The following SNX24 variants were observed in gnomAD, a reference collection of about 807,000 sequenced individuals.
The protein encoded by SNX24 is sorting nexin-24.
A neutral mutation model predicts 28.7 loss-of-function variants in SNX24; 22 were observed. The ratio of observed to expected loss-of-function variants is 0.77; its 90% CI spans 0.55 to 1.10. The LOEUF (loss-of-function observed/expected upper bound fraction) is 1.10, where lower values mean the gene tolerates loss of function less well. SNX24 is among the 50% of genes least tolerant of loss of function. SNX24 has a pLI of 0.00. For missense variants in SNX24, 221 were observed against 201.1 expected (o/e 1.10, Z -0.60); for synonymous variants, 69 against 71.5 (o/e 0.96, Z 0.18).
Position 123,009,132 on chromosome 5 carries a change from G to C in SNX24, c.*1383G>C. 1 of 985,030 alleles carries C rather than the reference G, an allele frequency of 1.0e-6. No homozygotes were observed. Among genetic ancestry groups the C allele is most frequent in the Non-Finnish European group, 1.2e-6 (1 of 829,202 alleles). 61.0% of individuals were successfully genotyped at this position (985,030 alleles called of 1,614,324 possible). On this transcript the variant is annotated 3_prime_UTR_variant, in exon 7 of 7. Coordinates refer to ENST00000261369, the MANE Select transcript of SNX24 (RefSeq NM_014035.4). ...ATGTTGTCAACCAAAAGTAATAGTT[G>C]GGTATTGGAGATTTTTTTAAAATGT...
chr5:122,888,319 A>G (rs764624590), intron 1 of SNX24, among the ~76,000 whole-genome samples: 1 of 152,040 alleles, frequency 6.6e-6, no homozygotes, highest in South Asian at 2.1e-4. Flanking sequence ...TTAGGGAGGG[A>G]GAGAGTATAG....
intron 1 of SNX24, among the ~76,000 whole-genome samples, chr5:122,862,029 C>T (rs527537559): frequency 2.6e-5 from 4 of 152,238 alleles, no homozygotes; most frequent in East Asian, 3.9e-4. Context: ...GGGCAGGGGC[C>T]GCTGACATGA....
chr5:122,973,973 CACA>C (rs1377530276), intron 3 of SNX24, among the ~76,000 whole-genome samples: 1 of 152,210 alleles, frequency 6.6e-6, no homozygotes, highest in Non-Finnish European at 1.5e-5. Context: ...GAGCAGCTTG[CACA>C]ACAGCCTGGA....
intron 3 of SNX24, among the ~76,000 whole-genome samples, chr5:122,956,393 CACACACACACACAT>C (rs1760218007): frequency 2.2e-5 from 3 of 137,462 alleles, no homozygotes; most frequent in Non-Finnish European, 3.2e-5. Flanking sequence ...CACACACACA[CACACACACACACAT>C]ACACAGCCAC....
At chr5:122,913,762 T>C (rs867083213) in intron 1 of SNX24, among the ~76,000 whole-genome samples, 6 of 152,096 alleles carry the variant, frequency 3.9e-5, no homozygotes, top group African/African-American at 1.4e-4. Context: ...GGCAGGCGGC[T>C]GGGAGGTGGA....
chr5:122,991,707 C>T (rs761505072), intron 3 of SNX24, among the ~76,000 whole-genome samples: 48 of 152,176 alleles, frequency 3.2e-4, no homozygotes, highest in Non-Finnish European at 6.2e-4. Context: ...GTGATCCACC[C>T]GCCTTGGCCT....
rs577118842 is a variant in SNX24 at position 123,018,140 on chromosome 5, G to A, written n.384-11098G>A. The stretch of plus-strand genomic sequence containing the variant: ...AAAAGAGCCCCACATTGAGTACCCA[G>A]GGATGGCCAGTGGCAAGCAGAGAGC... On this transcript the variant is annotated intron_variant and non_coding_transcript_variant, in intron 5 of 5. Coordinates refer to the SNX24 transcript ENST00000502387. Among the ~76,000 whole-genome samples the A allele has an allele frequency of 3.9e-5, 6 of 151,978 alleles. No homozygotes were observed. The South Asian group carries it at 1.3e-3, about 32-fold the overall frequency.
intron 1 of SNX24, among the ~76,000 whole-genome samples, chr5:122,881,709 T>C (rs1756489163): frequency 6.6e-6 from 1 of 150,536 alleles, no homozygotes; most frequent in African/African-American, 2.4e-5. Context: ...AAATTATATA[T>C]ACATAAAATT....
chr5:122,934,646 T>C (rs1253378019), intron 1 of SNX24, among the ~76,000 whole-genome samples: 3 of 152,168 alleles, frequency 2.0e-5, no homozygotes, highest in Non-Finnish European at 4.4e-5. Context: ...GCGTGAGCCA[T>C]TGCGCCTGGC....
At chr5:122,885,190 C>T (rs1473439033) in intron 1 of SNX24, among the ~76,000 whole-genome samples, 2 of 151,912 alleles carry the variant, frequency 1.3e-5, no homozygotes, top group African/African-American at 4.8e-5. Context: ...TGTCCAAAGC[C>T]AGTCCTCTGT....
chr5:122,851,936 C>T (rs899237527), intron 1 of SNX24, among the ~76,000 whole-genome samples: 4 of 151,754 alleles, frequency 2.6e-5, no homozygotes, highest in African/African-American at 9.7e-5. Context: ...TAAATATTAC[C>T]GCAAAATTAT....
At chr5:122,886,016 A>G (rs554984553) in intron 1 of SNX24, among the ~76,000 whole-genome samples, 1 of 152,262 alleles carries the variant, frequency 6.6e-6, no homozygotes, top group East Asian at 1.9e-4. Context: ...AACAGGCCAC[A>G]GACCGTTTCC....
chr5:122,989,889 C>A (rs1254617034), intron 3 of SNX24, among the ~76,000 whole-genome samples: 1 of 152,176 alleles, frequency 6.6e-6, no homozygotes, highest in Non-Finnish European at 1.5e-5. Context: ...CAGGTTCCAG[C>A]TTGGACCCCC....
chr5:122,915,520 G>C (rs1460785693), intron 1 of SNX24, among the ~76,000 whole-genome samples: 2 of 152,134 alleles, frequency 1.3e-5, no homozygotes, highest in Non-Finnish European at 2.9e-5. Context: ...CAGCTACTCA[G>C]TAGGCTGAGG....
intron 3 of SNX24, among the ~76,000 whole-genome samples, chr5:122,990,027 G>T (rs1358706642): frequency 6.6e-6 from 1 of 151,998 alleles, no homozygotes; most frequent in Non-Finnish European, 1.5e-5. Flanking sequence ...ACTGTTTTTT[G>T]TTGTTGTTGC....
At chr5:122,947,396 A>G (rs1359620029) in intron 3 of SNX24, among the ~76,000 whole-genome samples, 1 of 152,150 alleles carries the variant, frequency 6.6e-6, no homozygotes, top group East Asian at 1.9e-4. Flanking sequence ...CAGTAGAAAG[A>G]TGCCAGAATT....
Position 122,890,554 on chromosome 5 carries a change from C to T in SNX24, c.60+44861C>T, listed in dbSNP as rs373007674. On this transcript the variant is annotated intron_variant, in intron 1 of 6. Transcript: ENST00000261369. ...GTGCTATCTCAGCTCACTACAACCT[C>T]CGCCTCCTAGGTTCAAGCGATTCTT... is the stretch of plus-strand genomic sequence containing the variant. Among the ~76,000 whole-genome samples the T allele has an allele frequency of 2.8e-4, 43 of 151,652 alleles. No homozygotes were observed. In the East Asian group the frequency reaches 3.9e-3, roughly 14 times the overall value.
At chr5:123,028,937 C>A in intron 5 of SNX24, 2 of 1,307,740 alleles carry the variant, frequency 1.5e-6, no homozygotes, top group Non-Finnish European at 2.2e-6. Flanking sequence ...CAGTGTTGAT[C>A]TAGAAAGGAC....
chr5:122,879,183 T>C (rs912884181), intron 1 of SNX24, among the ~76,000 whole-genome samples: 1 of 152,188 alleles, frequency 6.6e-6, no homozygotes, highest in Admixed American at 6.5e-5. Flanking sequence ...TGAAACTTGG[T>C]GTTTTTATAC....
Sources: allele counts gnomAD v4.1 joint callset (sites outside exome capture counted in the v4.1 genomes callset), GRCh38; gene constraint gnomAD v4.1.1; transcripts MANE v1.5; gene names NCBI Gene and HGNC (gene_info 2026-07-23, HGNC 2026-07-21).